SELENOV: variants seen among roughly 807,000 people sequenced by gnomAD.
SELENOV encodes the protein selenoprotein V.
A neutral mutation model predicts 21.6 loss-of-function variants in SELENOV; 25 were observed. That is an observed-to-expected ratio of 1.16 (90% CI 0.84 to 1.62). SELENOV has a LOEUF of 1.62. Among genes scored for constraint, SELENOV ranks in the 40% most tolerant of loss-of-function variants. The pLI is 0.00. For synonymous variants in SELENOV, 227 were observed against 216.9 expected, an observed-to-expected ratio of 1.05 and a Z score of -0.41; for missense variants, 472 against 459.0, an observed-to-expected ratio of 1.03 and a Z score of -0.26.
intron 1 of SELENOV, chr19:39,516,391 G>T: frequency 2.5e-6 from 1 of 393,960 alleles, no homozygotes; most frequent in Non-Finnish European, 4.8e-6. Context: ...TCCCTTCCCA[G>T]CCTCTCTCCT....
intron 5 of SELENOV, among the ~76,000 whole-genome samples, chr19:39,519,613 C>T (rs529949462): frequency 6.6e-6 from 1 of 151,922 alleles, no homozygotes; most frequent in South Asian, 2.1e-4. Flanking sequence ...CTGCAATGAG[C>T]TCTGACTGGG....
intron 1 of SELENOV, among the ~76,000 whole-genome samples, chr19:39,517,426 A>G (rs1223936108): frequency 6.6e-6 from 1 of 152,092 alleles, no homozygotes; most frequent in Non-Finnish European, 1.5e-5. Context: ...GGCAAGCAAA[A>G]AAACAATAAT....
At chr19:39,519,145 G>T (rs758949658) in exon 5 of SELENOV, 3 of 1,613,628 alleles carry the variant, frequency 1.9e-6, no homozygotes, top group Non-Finnish European at 2.5e-6. Context: ...TCAAGAAAAG[G>T]TAGCCGGCAA....
chr19:39,515,411 G>T lies in SELENOV; in HGVS notation c.199G>T (p.Ala67Ser), dbSNP rs778586906. 3 of 1,551,346 alleles carry T rather than the reference G, an allele frequency of 1.9e-6. No individual in the cohort carries two copies. The South Asian group carries it at 3.6e-5, about 18-fold the overall frequency. The change falls in exon 1 of 6, where the codon GCC (alanine) becomes TCC (serine). Residue 67 changes from alanine to serine, a missense_variant. Transcript: ENST00000335426. The surrounding 1 kb of genome is among the most constrained non-coding windows in gnomAD (Gnocchi z 5.1). ...CCCTCTGGTCCTGACTCCTGCTCCA[G>T]CCCAGATTCCCACTCTGGTCCCCAC...
At chr19:39,516,002 C>T (rs1323838425) in exon 1 of SELENOV, 1 of 1,595,060 alleles carries the variant, frequency 6.3e-7, no homozygotes, top group Non-Finnish European at 8.5e-7. Context: ...CAAGAGGGTC[C>T]TGATTCGAGT....
At chr19:39,517,990 A>AAAAAAAAAAAAAAAAAAAAAAAC (rs2079706140) in intron 1 of SELENOV, among the ~76,000 whole-genome samples, 1 of 127,972 alleles carries the variant, frequency 7.8e-6, no homozygotes, top group Non-Finnish European at 1.6e-5. Flanking sequence ...AAAAAAAAAA[A>AAAAAAAAAAAAAAAAAAAAAAAC]AGCCCAGCGC....
At chr19:39,516,789 G>A (rs973203614) in intron 1 of SELENOV, among the ~76,000 whole-genome samples, 6 of 150,060 alleles carry the variant, frequency 4.0e-5, no homozygotes, top group Non-Finnish European at 7.4e-5. Context: ...TCTGCCTCCC[G>A]GGTTCAAGCA....
intron 1 of SELENOV, chr19:39,516,363 A>C: frequency 2.3e-6 from 1 of 439,246 alleles, no homozygotes; most frequent in Non-Finnish European, 4.3e-6. Flanking sequence ...GACACCGCAC[A>C]TGATAGGGGC....
rs1347016494 is a variant in SELENOV, at chr19:39,515,330, C to T, written c.118C>T (p.Arg40Trp). Reference sequence around the variant, plus strand: ...CCGGACCCCGACTCCGGTCCGGACTCGGACCCCCATCCGGACCCTGACTCC... The same window carrying T: ...CCGGACCCCGACTCCGGTCCGGACTTGGACCCCCATCCGGACCCTGACTCC... Residue 40 changes from arginine to tryptophan, a missense_variant, in exon 1 of 6, where the codon CGG (arginine) becomes TGG (tryptophan). Transcript: ENST00000335426. This position sits in a 1 kb window ranked among gnomAD's most constrained non-coding sequence, Gnocchi z 5.1. The T allele has an allele frequency of 1.7e-5, 26 of 1,551,356 alleles. No homozygotes were observed. Among genetic ancestry groups the T allele is most frequent in the Non-Finnish European group, 2.2e-5 (25 of 1,146,934 alleles).
chr19:39,518,357 G>T, intron 1 of SELENOV: 1 of 582,980 alleles, frequency 1.7e-6, no homozygotes, highest in Non-Finnish European at 3.1e-6. Flanking sequence ...CTGGCACAGG[G>T]TGAATGAATT....
chr19:39,517,991 A>AAAAAAAAAAAG (rs374863818), intron 1 of SELENOV, among the ~76,000 whole-genome samples: 2,427 of 91,956 alleles, frequency 0.026, 345 homozygotes, highest in Non-Finnish European at 0.033. Flanking sequence ...AAAAAAAAAA[A>AAAAAAAAAAAG]GCCCAGCGCG....
Position 39,515,684 on chromosome 19 carries a change from G to A in SELENOV, c.472G>A (p.Ala158Thr), listed in dbSNP as rs565807113. ...ACCTTTGGATCCGCCCCCGGAACCT[G>A]CTCCGGAGCTGCCTTTGTTGCCCGA... is the stretch of plus-strand genomic sequence containing the variant. Residue 158 changes from alanine (A) to threonine (T), a missense_variant, in exon 1 of 6, where the codon GCT becomes ACT. Transcript: ENST00000335426. This position sits in a 1 kb window ranked among gnomAD's most constrained non-coding sequence, Gnocchi z 5.1. The A allele has an allele frequency of 2.6e-4, 400 of 1,548,830 alleles. 2 individuals carry two copies. The Middle Eastern group carries it at 4.0e-3, about 16-fold the overall frequency.
intron 5 of SELENOV, among the ~76,000 whole-genome samples, chr19:39,519,374 A>G (rs543198595): frequency 2.0e-5 from 3 of 152,212 alleles, no homozygotes; most frequent in Admixed American, 2.0e-4. Flanking sequence ...TTTGAAAAAT[A>G]GCAAGGAGGC....
chr19:39,518,979 T>A lies in SELENOV; in HGVS notation c.963+2T>A, dbSNP rs1034492583. On this transcript the variant is annotated splice_donor_variant, in intron 4 of 5. Coordinates refer to ENST00000335426, the Ensembl canonical transcript of SELENOV. LOFTEE classifies it high-confidence loss of function. ...GGGAGACTGGTCCATTCCAAGAAGG[T>A]GATCCTGAGTAAAGGTCCGGGACAG... is the stretch of plus-strand genomic sequence containing the variant. 2.9e-5 allele frequency: 47 copies of A among 1,613,508 alleles called. No individual in the cohort carries two copies. Among genetic ancestry groups the A allele is most frequent in the Non-Finnish European group, 3.6e-5 (42 of 1,179,766 alleles).
chr19:39,516,094 G>A, intron 1 of SELENOV, 73 bp downstream of exon 1: 2 of 1,345,822 alleles, frequency 1.5e-6, no homozygotes, highest in Non-Finnish European at 2.1e-6. Context: ...CTCCGGGGAC[G>A]TGGAGGTCAG....
intron 5 of SELENOV, 51 bp downstream of exon 5, chr19:39,519,221 G>C: frequency 7.8e-7 from 1 of 1,274,198 alleles, no homozygotes; most frequent in Non-Finnish European, 1.1e-6. Context: ...GGCCGGGTAG[G>C]AGGATGGGGC....
chr19:39,516,829 G>A (rs1057419475), intron 1 of SELENOV, among the ~76,000 whole-genome samples: 13 of 151,732 alleles, frequency 8.6e-5, no homozygotes, highest in Admixed American at 2.0e-4. Flanking sequence ...CCGAACAGCT[G>A]GAACCACAGG....
intron 1 of SELENOV, among the ~76,000 whole-genome samples, chr19:39,517,505 G>T (rs1238222077): frequency 6.6e-6 from 1 of 152,098 alleles, no homozygotes; most frequent in Non-Finnish European, 1.5e-5. Flanking sequence ...CATTTTGGGG[G>T]GTTGCAGTTT....
In SELENOV at chr19:39,519,030, G is replaced by A. The variant is rs183961380; in HGVS notation, c.964-41G>A. On this transcript the variant is annotated intron_variant, in intron 4 of 5. Transcript: ENST00000335426. ...GGAGGTGGGGTGGTGCTGAGGTCCT[G>A]GGGGTGGGAGACCTGTGTGCTTTCT... is the stretch of plus-strand genomic sequence containing the variant. The A allele has an allele frequency of 6.4e-5, 103 of 1,612,866 alleles. 1 individual carries two copies. The African/African-American group carries it at 9.3e-4, about 15-fold the overall frequency.
Sources: gnomAD v4.1 joint callset for allele counts (sites outside exome capture counted in the v4.1 genomes callset) on GRCh38, gnomAD v4.1.1 for gene constraint, Gnocchi (gnomAD v3.1) non-coding constraint, MANE v1.5 for transcripts, NCBI Gene and HGNC (gene_info 2026-07-23, HGNC 2026-07-21) for gene names.